The following RGS21 variants were observed in gnomAD, a reference collection of about 807,000 sequenced individuals.
RGS21 encodes the protein regulator of G protein signaling 21, also known as regulator of G-protein signalling 21.
In RGS21, 19 loss-of-function variants were observed where a neutral mutation model predicts 18.7. That is an observed-to-expected ratio of 1.01 (90% confidence interval 0.71 to 1.49). The LOEUF is 1.49. Ranked by LOEUF, RGS21 falls within the 40% of genes most tolerant of loss-of-function variation. The pLI, the probability that RGS21 is intolerant of heterozygous loss-of-function variation, is 0.00. For synonymous variants in RGS21, 56 were observed against 57.8 expected (o/e 0.97, Z 0.14); for missense variants, 194 against 176.8 (o/e 1.10, Z -0.55).
In RGS21 at chr1:192,347,359, GA is replaced by G; in HGVS notation, c.62del (p.Asn21IlefsTer6). Reference sequence around the variant, plus strand: ...AACTGCGGAAACAATGACATGGTCTGAAAATATGGACACGCTTTTAGCCAAC... The same window carrying G: ...AACTGCGGAAACAATGACATGGTCTGAAATATGGACACGCTTTTAGCCAAC... ...SPTAETMTWS[E>X]NMDTLLANQA... is the part of the protein sequence containing the mutation. On this transcript the variant is annotated frameshift_variant, in exon 3 of 5. Coordinates refer to ENST00000417209, the MANE Select transcript of RGS21 (RefSeq NM_001039152.3). LOFTEE classifies it high-confidence loss of function. The G allele has an allele frequency of 1.2e-6, 2 of 1,605,856 alleles. No individual in the cohort carries two copies. Among genetic ancestry groups the G allele is most frequent in the South Asian group, 1.1e-5 (1 of 90,452 alleles).
intron 4 of RGS21, among the ~76,000 whole-genome samples, chr1:192,362,907 T>C (rs1659205291): frequency 1.3e-5 from 2 of 152,088 alleles, no homozygotes; most frequent in Non-Finnish European, 1.5e-5. Context: ...TACTAAAGGA[T>C]GTTCAAAATG....
At chr1:192,361,496 C>T (rs1055807870) in intron 4 of RGS21, among the ~76,000 whole-genome samples, 1 of 152,268 alleles carries the variant, frequency 6.6e-6, no homozygotes, top group East Asian at 1.9e-4. Context: ...GAATACTTAA[C>T]ATTATCAGAA....
chr1:192,319,553 T>A (rs891581584), intron 1 of RGS21, among the ~76,000 whole-genome samples: 2 of 152,096 alleles, frequency 1.3e-5, no homozygotes, highest in African/African-American at 4.8e-5. Context: ...CCATATTTTT[T>A]AAAAATAATA....
chr1:192,351,723 T>G (rs1659043542), intron 3 of RGS21, among the ~76,000 whole-genome samples: 1 of 147,498 alleles, frequency 6.8e-6, no homozygotes, highest in Non-Finnish European at 1.5e-5. Flanking sequence ...ATATAACACA[T>G]ATAATATATA....
At position 192,347,262 on chromosome 1, in the gene RGS21, A is replaced by G. The variant is rs775478047; in HGVS notation, c.12-51A>G. 4.6e-6 allele frequency: 5 copies of G among 1,088,122 alleles called. No individual in the cohort carries two copies. In the Admixed American group the frequency reaches 6.9e-5, roughly 15 times the overall value. 67.4% of individuals were successfully genotyped at this position (1,088,122 alleles called of 1,614,324 possible). On this transcript the variant is annotated intron_variant, in intron 2 of 4. Transcript: ENST00000417209. ...AACTCAAAATACATGTAACTCGAAT[A>G]TTACTATTGGTTAAAGAAGAAAAAG...
chr1:192,342,100 A>C (rs1482828264), intron 1 of RGS21, among the ~76,000 whole-genome samples: 2 of 152,034 alleles, frequency 1.3e-5, no homozygotes, highest in Non-Finnish European at 2.9e-5. Context: ...TTTCCACGGT[A>C]AGTCAAGGAG....
At chr1:192,343,101 T>G (rs1176238988) in intron 2 of RGS21, 54 bp downstream of exon 2, 7 of 1,506,890 alleles carry the variant, frequency 4.6e-6, no homozygotes, top group Non-Finnish European at 6.5e-6. Context: ...AATGAAACAC[T>G]TGAGTCTTCT....
At chr1:192,349,602 T>C (rs756587327) in intron 3 of RGS21, among the ~76,000 whole-genome samples, 2 of 152,192 alleles carry the variant, frequency 1.3e-5, no homozygotes, top group African/African-American at 4.8e-5. Flanking sequence ...TTAAAATCAT[T>C]TGGCATCTTT....
At chr1:192,362,788 T>C (rs1659203991) in intron 4 of RGS21, among the ~76,000 whole-genome samples, 1 of 152,184 alleles carries the variant, frequency 6.6e-6, no homozygotes, top group South Asian at 2.1e-4. Context: ...ATTATTATGT[T>C]GAAATTGAAG....
chr1:192,364,446 T>C (rs1404255354), intron 4 of RGS21, among the ~76,000 whole-genome samples: 1 of 152,178 alleles, frequency 6.6e-6, no homozygotes, highest in African/African-American at 2.4e-5. Context: ...TTTGGTATTC[T>C]TGTGTCATTT....
At chr1:192,344,575 A>T (rs1281040419) in intron 2 of RGS21, among the ~76,000 whole-genome samples, 1 of 152,150 alleles carries the variant, frequency 6.6e-6, no homozygotes, top group Non-Finnish European at 1.5e-5. Context: ...ATTGTATTTC[A>T]GTTTATTCAT....
At chr1:192,340,113 C>A (rs1658836677) in intron 1 of RGS21, among the ~76,000 whole-genome samples, 1 of 151,928 alleles carries the variant, frequency 6.6e-6, no homozygotes, top group Admixed American at 6.6e-5. Flanking sequence ...GTTTTATATT[C>A]CTCCAGCACC....
At chr1:192,329,251 G>C (rs1658611824) in intron 1 of RGS21, among the ~76,000 whole-genome samples, 1 of 152,042 alleles carries the variant, frequency 6.6e-6, no homozygotes, top group Admixed American at 6.5e-5. Context: ...GATCCCACTA[G>C]TATGAGCATA....
chr1:192,351,066 T>C (rs924367097), intron 3 of RGS21, among the ~76,000 whole-genome samples: 1 of 152,146 alleles, frequency 6.6e-6, no homozygotes, highest in Admixed American at 6.6e-5. Flanking sequence ...TGTGAATAAG[T>C]GAGTCCATTG....
chr1:192,343,032 G>T lies in RGS21; in HGVS notation c.-5G>T. Reference sequence around the variant, plus strand: ...CATCATCTGTGACAGACAGTGGAACGAAAAATGCCAGTGAAGTGAGTTGCC... The same window carrying T: ...CATCATCTGTGACAGACAGTGGAACTAAAAATGCCAGTGAAGTGAGTTGCC... On this transcript the variant is annotated 5_prime_UTR_variant, in exon 2 of 5. Coordinates refer to ENST00000417209, the MANE Select transcript of RGS21 (RefSeq NM_001039152.3). 1 of 1,612,662 alleles carries T rather than the reference G, an allele frequency of 6.2e-7. No individual in the cohort carries two copies. Among genetic ancestry groups the T allele is most frequent in the Non-Finnish European group, 8.5e-7 (1 of 1,178,896 alleles).
At chr1:192,364,861 G>A (rs369600541) in intron 4 of RGS21, among the ~76,000 whole-genome samples, 12 of 152,118 alleles carry the variant, frequency 7.9e-5, no homozygotes, top group African/African-American at 4.8e-5. Flanking sequence ...GGCCAGGTAC[G>A]GTGGCTCATC....
At chr1:192,354,340 G>A (rs1441984147) in intron 4 of RGS21, among the ~76,000 whole-genome samples, 2 of 151,486 alleles carry the variant, frequency 1.3e-5, no homozygotes, top group African/African-American at 4.8e-5. Context: ...TTTGCGGTGT[G>A]GTTCACACAT....
rs149382269 is a variant in RGS21 at position 192,343,159 on chromosome 1, T to C, written c.11+112T>C. ...CTTCATTTATGATAAATACGCTAAT[T>C]GTTGTCTTCCTGATTTTTTCTCCTT... On this transcript the variant is annotated intron_variant, in intron 2 of 4. Coordinates refer to ENST00000417209, the MANE Select transcript of RGS21 (RefSeq NM_001039152.3). The C allele has an allele frequency of 7.4e-4, 759 of 1,026,522 alleles. 6 individuals carry two copies. The African/African-American group carries it at 0.01, about 14-fold the overall frequency. 63.6% of individuals were successfully genotyped at this position (1,026,522 alleles called of 1,614,324 possible).
chr1:192,333,092 GAATTAA>G (rs776616758), intron 1 of RGS21, among the ~76,000 whole-genome samples: 8 of 152,026 alleles, frequency 5.3e-5, no homozygotes, highest in Non-Finnish European at 1.0e-4. Context: ...AGCTGTTAGG[GAATTAA>G]AATTAAGACC....
Sources: allele counts gnomAD v4.1 joint callset (sites outside exome capture counted in the v4.1 genomes callset), GRCh38; gene constraint gnomAD v4.1.1; transcripts MANE v1.5; gene names NCBI Gene and HGNC (gene_info 2026-07-23, HGNC 2026-07-21).